The following CIROZ variants were observed in gnomAD, a reference collection of about 807,000 sequenced individuals.
CIROZ encodes the protein ciliated left-right organizer protein containing ZP-N domains.
At chr1:10,977,752 A>G in the CIROZ span, among the ~76,000 whole-genome samples, 1 of 152,226 alleles carries the variant, frequency 6.6e-6, no homozygotes, top group Non-Finnish European at 1.5e-5. Flanking sequence ...TTAGAGCACC[A>G]TAAGATAGCA....
At chr1:10,948,019 G>A in the CIROZ span, 1 of 1,613,414 alleles carries the variant, frequency 6.2e-7, no homozygotes, top group Non-Finnish European at 8.5e-7. Flanking sequence ...GGTGGCAGAG[G>A]TTCCATAGGA....
At chr1:10,976,260 C>A in the CIROZ span, 14 of 1,533,730 alleles carry the variant, frequency 9.1e-6, no homozygotes, top group African/African-American at 2.7e-5. Flanking sequence ...GACGGCCCTG[C>A]GGGAGAGGAG....
chr1:10,974,326 G>A, the CIROZ span, among the ~76,000 whole-genome samples: 1 of 152,072 alleles, frequency 6.6e-6, no homozygotes, highest in Non-Finnish European at 1.5e-5. This position sits in a 1 kb window ranked among gnomAD's most constrained non-coding sequence, Gnocchi z 4.4. Context: ...ACAGGAAGAC[G>A]AGCGCAGAGA....
At chr1:10,947,327 C>A in the CIROZ span, among the ~76,000 whole-genome samples, 1 of 152,232 alleles carries the variant, frequency 6.6e-6, no homozygotes, top group East Asian at 1.9e-4. Flanking sequence ...CCAGGAGACA[C>A]TGCCCTGCAC....
chr1:10,955,329 G>T, the CIROZ span: 1 of 680,626 alleles, frequency 1.5e-6, no homozygotes, highest in Non-Finnish European at 2.3e-6. Flanking sequence ...AAGTTACTTG[G>T]TGTCCTGGTA....
chr1:10,968,371 A>G, the CIROZ span, among the ~76,000 whole-genome samples: 1 of 152,182 alleles, frequency 6.6e-6, no homozygotes, highest in Non-Finnish European at 1.5e-5. Flanking sequence ...CATTTGATGG[A>G]AGATGAATAC....
At chr1:10,967,499 T>C in the CIROZ span, among the ~76,000 whole-genome samples, 91 of 152,346 alleles carry the variant, frequency 6.0e-4, no homozygotes, top group African/African-American at 2.0e-3. Context: ...TTCACCCTTT[T>C]CTGCACAATC....
chr1:10,970,012 C>A, the CIROZ span: 1 of 1,537,080 alleles, frequency 6.5e-7, no homozygotes, highest in Non-Finnish European at 8.7e-7. Context: ...CTCAGCCCCT[C>A]CACGTGGCTC....
At chr1:10,964,086 G>A in the CIROZ span, 1 of 1,605,260 alleles carries the variant, frequency 6.2e-7, no homozygotes, top group Admixed American at 1.7e-5. Flanking sequence ...GCCCAGCCTG[G>A]GAGGTCCCTC....
the CIROZ span, among the ~76,000 whole-genome samples, chr1:10,966,007 T>G: frequency 6.6e-6 from 1 of 152,122 alleles, no homozygotes. Context: ...TGCCAGGCCC[T>G]GAGGCAAGCC....
At chr1:10,976,436 C>G in the CIROZ span, among the ~76,000 whole-genome samples, 1 of 151,918 alleles carries the variant, frequency 6.6e-6, no homozygotes, top group African/African-American at 2.4e-5. Context: ...ACTGCAACCT[C>G]CGCCTCCCCG....
the CIROZ span, chr1:10,949,644 G>A: frequency 6.2e-7 from 1 of 1,605,690 alleles, no homozygotes; most frequent in South Asian, 1.1e-5. Flanking sequence ...GCGTCGGAAG[G>A]CCGGTGCAGG....
At chr1:10,974,760 A>G in the CIROZ span, among the ~76,000 whole-genome samples, 50,106 of 151,882 alleles carry the variant, frequency 0.33, 10,344 homozygotes, top group African/African-American at 0.59. The surrounding 1 kb of genome is among the most constrained non-coding windows in gnomAD (Gnocchi z 4.4). Flanking sequence ...CCTGTACTGC[A>G]CCCCGTACAC....
the CIROZ span, among the ~76,000 whole-genome samples, chr1:10,980,767 G>A: frequency 3.9e-5 from 6 of 152,276 alleles, no homozygotes; most frequent in East Asian, 1.2e-3. Context: ...GTGGGTTTGG[G>A]TTTTTCCCCC....
chr1:10,955,844 CA>C, the CIROZ span, among the ~76,000 whole-genome samples: 27,425 of 98,312 alleles, frequency 0.28, 4,837 homozygotes, highest in African/African-American at 0.57. Flanking sequence ...AACTCCATCT[CA>C]AAAAAAAAAA....
the CIROZ span, among the ~76,000 whole-genome samples, chr1:10,967,830 T>C: frequency 2.0e-5 from 3 of 152,042 alleles, no homozygotes; most frequent in African/African-American, 7.2e-5. Context: ...AAAAATTAGC[T>C]GGGAGTGGTG....
the CIROZ span, chr1:10,958,884 G>T: frequency 1.2e-6 from 1 of 826,948 alleles, no homozygotes; most frequent in Non-Finnish European, 1.9e-6. Context: ...CCGCAGGGTT[G>T]TTTGCTCATT....
the CIROZ span, among the ~76,000 whole-genome samples, chr1:10,970,423 T>A: frequency 6.6e-6 from 1 of 151,704 alleles, no homozygotes; most frequent in Non-Finnish European, 1.5e-5. Flanking sequence ...AGGCCAGGAG[T>A]TCGAGACCAG....
At chr1:10,949,932 A>AT in the CIROZ span, 10 of 868,050 alleles carry the variant, frequency 1.2e-5, no homozygotes, top group Non-Finnish European at 1.7e-5. Context: ...AAGCTTGGGG[A>AT]GGTCAGATGC....
Sources: gnomAD v4.1 joint callset for allele counts (sites outside exome capture counted in the v4.1 genomes callset) on GRCh38, gnomAD v4.1.1 for gene constraint, Gnocchi (gnomAD v3.1) non-coding constraint, MANE v1.5 for transcripts, NCBI Gene and HGNC (gene_info 2026-07-23, HGNC 2026-07-21) for gene names.